NEK7: variants seen among roughly 807,000 people sequenced by gnomAD.
NEK7 encodes NIMA related kinase 7.
A neutral mutation model predicts 44.6 loss-of-function variants in NEK7; 18 were observed. The ratio of observed to expected loss-of-function variants is 0.40; its 90% CI spans 0.28 to 0.60. The LOEUF (loss-of-function observed/expected upper bound fraction) is 0.60, where lower values mean the gene tolerates loss of function less well. Ranked by LOEUF, NEK7 falls within the 20% of genes least tolerant of loss-of-function variation. The probability of loss-of-function intolerance (pLI) is 0.38; values close to 1 mark genes in which losing one functional copy is unlikely to be tolerated. For missense variants in NEK7, 256 were observed against 366.5 expected, an observed-to-expected ratio of 0.70 and a Z score of 2.46; for synonymous variants, 130 against 121.1, an observed-to-expected ratio of 1.07 and a Z score of -0.48.
chr1:198,310,813 C>T (rs1655159590), intron 9 of NEK7, among the ~76,000 whole-genome samples: 1 of 151,978 alleles, frequency 6.6e-6, no homozygotes, highest in Non-Finnish European at 1.5e-5. Flanking sequence ...TGTTTTGGAC[C>T]ACTACCATGC....
intron 1 of NEK7, among the ~76,000 whole-genome samples, chr1:198,195,974 C>G (rs1665222468): frequency 6.6e-6 from 1 of 152,120 alleles, no homozygotes; most frequent in South Asian, 2.1e-4. Flanking sequence ...AAAAGGTTAT[C>G]TATAAATATA....
intron 1 of NEK7, chr1:198,221,020 C>G (rs1424354305): frequency 1.3e-5 from 2 of 151,970 alleles, no homozygotes; most frequent in African/African-American, 4.8e-5. Flanking sequence ...TATTAATAAG[C>G]TTGGACGAAT....
chr1:198,253,457 A>G (rs1653143732), intron 3 of NEK7, among the ~76,000 whole-genome samples: 1 of 152,116 alleles, frequency 6.6e-6, no homozygotes, highest in Admixed American at 6.6e-5. Context: ...CATCACCATT[A>G]CTTCTACCTG....
chr1:198,303,342 A>C (rs1309437728), intron 9 of NEK7, among the ~76,000 whole-genome samples: 1 of 152,114 alleles, frequency 6.6e-6, no homozygotes, highest in Non-Finnish European at 1.5e-5. Flanking sequence ...TAAAAATATA[A>C]CTGGGTTTCA....
intron 1 of NEK7, among the ~76,000 whole-genome samples, chr1:198,218,171 A>G (rs532805082): frequency 1.3e-5 from 2 of 152,220 alleles, no homozygotes; most frequent in East Asian, 1.9e-4. Context: ...TTCAAATCAT[A>G]CTACAAGGCT....
At chr1:198,178,887 A>G (rs1664679394) in intron 1 of NEK7, among the ~76,000 whole-genome samples, 2 of 152,018 alleles carry the variant, frequency 1.3e-5, no homozygotes, top group Admixed American at 1.3e-4. Context: ...AAGATAATAT[A>G]ATGGAAGAGA....
intron 5 of NEK7, among the ~76,000 whole-genome samples, chr1:198,274,530 T>G (rs916731769): frequency 6.6e-6 from 1 of 151,834 alleles, no homozygotes; most frequent in Non-Finnish European, 1.5e-5. Context: ...TGTTTTGATA[T>G]GCCACAGAGA....
At chr1:198,285,972 A>G (rs1298741550) in intron 7 of NEK7, among the ~76,000 whole-genome samples, 1 of 152,160 alleles carries the variant, frequency 6.6e-6, no homozygotes, top group African/African-American at 2.4e-5. Context: ...AATTCTAAGC[A>G]GAGAGATTAT....
intron 3 of NEK7, among the ~76,000 whole-genome samples, 162 bp from the exon 4 acceptor site, chr1:198,262,413 G>A (rs1413307368): frequency 1.3e-5 from 2 of 151,676 alleles, no homozygotes; most frequent in Non-Finnish European, 2.9e-5. Context: ...AGCAATGTTG[G>A]TAACATAAGA....
intron 8 of NEK7, 44 bp downstream of exon 8, chr1:198,293,083 T>G (rs751085892): frequency 9.9e-7 from 1 of 1,010,450 alleles, no homozygotes; most frequent in South Asian, 1.3e-5. Flanking sequence ...CAGTTTTACT[T>G]AGTATATTTC....
At chr1:198,295,580 GA>G (rs1398132801) in intron 8 of NEK7, among the ~76,000 whole-genome samples, 3 of 150,656 alleles carry the variant, frequency 2.0e-5, no homozygotes, top group Non-Finnish European at 3.0e-5. Context: ...GGAGATGCAT[GA>G]AAATATACTA....
chr1:198,280,589 T>C (rs16842663), intron 7 of NEK7, among the ~76,000 whole-genome samples: 30,078 of 151,722 alleles, frequency 0.2, 3,559 homozygotes, highest in African/African-American at 0.32. Flanking sequence ...CATATATGCA[T>C]CTCCAAATTG....
chr1:198,313,242 T>A (rs182590974), intron 9 of NEK7, among the ~76,000 whole-genome samples: 422 of 152,342 alleles, frequency 2.8e-3, no homozygotes, highest in Non-Finnish European at 4.4e-3. Context: ...GTCTGTTTTA[T>A]CAGAGACTAG....
intron 1 of NEK7, among the ~76,000 whole-genome samples, chr1:198,211,733 G>A (rs180796364): frequency 1.7e-4 from 26 of 151,962 alleles, no homozygotes; most frequent in South Asian, 4.1e-4. Flanking sequence ...GCAAGATGGC[G>A]GACTGGAGGC....
intron 1 of NEK7, among the ~76,000 whole-genome samples, chr1:198,206,584 G>A (rs1665606797): frequency 1.3e-5 from 2 of 151,994 alleles, no homozygotes; most frequent in South Asian, 2.1e-4. Flanking sequence ...GCATTCTAAA[G>A]TAGAATCTTT....
At chr1:198,290,057 A>G (rs1396601135) in intron 7 of NEK7, among the ~76,000 whole-genome samples, 2 of 152,172 alleles carry the variant, frequency 1.3e-5, no homozygotes, top group Non-Finnish European at 2.9e-5. Flanking sequence ...TCTGTTTTTT[A>G]TAATGTTATC....
intron 9 of NEK7, among the ~76,000 whole-genome samples, chr1:198,312,291 T>A (rs564021109): frequency 5.7e-4 from 86 of 151,290 alleles, no homozygotes; most frequent in African/African-American, 2.0e-3. Flanking sequence ...GATATCCCCT[T>A]TATCATTTTT....
At chr1:198,207,433 A>G (rs1665629927) in intron 1 of NEK7, among the ~76,000 whole-genome samples, 1 of 152,134 alleles carries the variant, frequency 6.6e-6, no homozygotes. Flanking sequence ...TAATGGCTTT[A>G]TTCATAATTG....
chr1:198,291,986 A>C (rs565969220), intron 7 of NEK7, among the ~76,000 whole-genome samples: 44 of 152,194 alleles, frequency 2.9e-4, no homozygotes, highest in Non-Finnish European at 6.2e-4. Flanking sequence ...AGAAAAAGGA[A>C]AATGCCCTTT....
Sources: allele counts gnomAD v4.1 joint callset (sites outside exome capture counted in the v4.1 genomes callset), GRCh38; gene constraint gnomAD v4.1.1; transcripts MANE v1.5; gene names NCBI Gene and HGNC (gene_info 2026-07-23, HGNC 2026-07-21).